ATCAY: variants seen among roughly 807,000 people sequenced by gnomAD.
ATCAY encodes the protein caytaxin.
ATCAY carries 22 observed loss-of-function variants against 47.7 expected under a neutral mutation model. The ratio of observed to expected loss-of-function variants is 0.46; its 90% CI spans 0.33 to 0.66. The LOEUF is 0.66. ATCAY is among the 30% of genes least tolerant of loss of function. ATCAY has a pLI of 0.02. For missense variants in ATCAY, 452 were observed against 515.0 expected (o/e 0.88, Z 1.18); for synonymous variants, 216 against 207.6 (o/e 1.04, Z -0.35).
At chr19:3,903,376 T>C (rs1444641901) in intron 3 of ATCAY, among the ~76,000 whole-genome samples, 3 of 152,080 alleles carry the variant, frequency 2.0e-5, no homozygotes, top group Non-Finnish European at 4.4e-5. Context: ...GTTTTAGCCG[T>C]AACCTGGCGA....
In ATCAY at chr19:3,910,842, C is replaced by A. The variant is rs1014676893; in HGVS notation, c.819C>A (p.Pro273=). The A allele has an allele frequency of 6.2e-7, 1 of 1,613,922 alleles. No homozygotes were observed. The highest frequency in any genetic ancestry group is 8.5e-7 in the Non-Finnish European group (1 of 1,179,904). The part of the protein sequence containing the change: ...KNLKSLIIVH[P]SWFIRTVLAI... ...TGAAGTCCTTGATCATCGTCCACCC[C>A]TCGTGGTTCATTCGGACTGTGCTGG... Residue 273 remains proline, a synonymous_variant, in exon 8 of 13, where the codon CCC becomes CCA. Coordinates refer to ENST00000450849, the MANE Select transcript of ATCAY (RefSeq NM_033064.5).
chr19:3,891,304 G>T (rs150577928), intron 2 of ATCAY, among the ~76,000 whole-genome samples: 1 of 151,804 alleles, frequency 6.6e-6, no homozygotes, highest in Non-Finnish European at 1.5e-5. Flanking sequence ...CGCCTGCCTC[G>T]GCCTCCCAAA....
intron 12 of ATCAY, among the ~76,000 whole-genome samples, chr19:3,923,884 A>G (rs973661002): frequency 1.4e-5 from 2 of 145,272 alleles, no homozygotes; most frequent in Non-Finnish European, 1.5e-5. Context: ...GGATGGGTGC[A>G]TGGATGGGTG....
chr19:3,916,832 G>A (rs2038970527), intron 9 of ATCAY, among the ~76,000 whole-genome samples: 1 of 150,814 alleles, frequency 6.6e-6, no homozygotes, highest in African/African-American at 2.4e-5. Context: ...TTTTTAGACA[G>A]AGTCTCACTC....
intron 2 of ATCAY, among the ~76,000 whole-genome samples, chr19:3,892,808 T>G (rs1306720358): frequency 1.3e-5 from 2 of 151,882 alleles, no homozygotes; most frequent in Non-Finnish European, 2.9e-5. Context: ...CTGGGGAGGC[T>G]GAAGCAGGAG....
chr19:3,918,802 A>G lies in ATCAY; in HGVS notation c.1002-4A>G, dbSNP rs1215050664. 5 of 1,613,912 alleles carry G rather than the reference A, an allele frequency of 3.1e-6. No homozygotes were observed. Among genetic ancestry groups the G allele is most frequent in the Non-Finnish European group, 4.2e-6 (5 of 1,179,836 alleles). Reference sequence around the variant, plus strand: ...CCTTGTCACCTCGTTCTCTCTGTCCACAGCGCGAGGCCCCAGCCGGAGTTT... The same window carrying G: ...CCTTGTCACCTCGTTCTCTCTGTCCGCAGCGCGAGGCCCCAGCCGGAGTTT... On this transcript the variant is annotated splice_region_variant and splice_polypyrimidine_tract_variant and intron_variant, in intron 10 of 12. Coordinates refer to ENST00000450849, the MANE Select transcript of ATCAY (RefSeq NM_033064.5).
chr19:3,909,430 G>A (rs2038903326), intron 6 of ATCAY, 56 bp from the exon 7 acceptor site: 2 of 1,580,810 alleles, frequency 1.3e-6, no homozygotes, highest in Non-Finnish European at 1.7e-6. Context: ...CACCGCAGGT[G>A]TCCTGACCCT....
In ATCAY at chr19:3,908,722, C is replaced by CCCCTCT. The variant is rs750077910; in HGVS notation, c.647+352_647+353insCCCTCT. ...CCTCCTCCTCCCTTTTCTCCTCCTCCTCCCCTTCCCTCTCCTCCTCCCCCT... is the reference window on the plus strand; with the variant it reads ...CCTCCTCCTCCCTTTTCTCCTCCTCCCCCTCTTCCCCTTCCCTCTCCTCCTCCCCCT... On this transcript the variant is annotated intron_variant, in intron 6 of 12. Transcript: ENST00000450849. 3.6e-4 allele frequency among the ~76,000 whole-genome samples: 19 copies of CCCCTCT among 53,452 alleles called. 1 individual carries two copies. The East Asian group carries it at 0.013, about 38-fold the overall frequency. 35.1% of individuals were successfully genotyped at this position (53,452 alleles called of 152,430 possible).
At position 3,898,014 on chromosome 19, in the gene ATCAY, A is replaced by G. The variant is rs147199505; in HGVS notation, c.78-4473A>G. Among the ~76,000 whole-genome samples the G allele has an allele frequency of 6.0e-4, 92 of 152,304 alleles. No individual in the cohort carries two copies. In the East Asian group the frequency reaches 7.1e-3, roughly 12 times the overall value. On this transcript the variant is annotated intron_variant, in intron 2 of 12. Coordinates refer to ENST00000450849, the MANE Select transcript of ATCAY (RefSeq NM_033064.5). ...AGTTCATGATTCAGTGGCAGAGTCC[A>G]TTCATAATGTTCTGCAACCCCACAT... is the stretch of plus-strand genomic sequence containing the variant.
chr19:3,918,941 G>T (rs2038992159), intron 11 of ATCAY, 64 bp downstream of exon 11: 2 of 1,576,214 alleles, frequency 1.3e-6, no homozygotes, highest in African/African-American at 2.7e-5. Context: ...ACTCCCTTGG[G>T]GGAGGCTAGA....
At chr19:3,909,756 C>A in intron 7 of ATCAY, 139 bp downstream of exon 7, 4 of 1,238,944 alleles carry the variant, frequency 3.2e-6, no homozygotes, top group Non-Finnish European at 3.3e-6. Flanking sequence ...AGTTTGAGAC[C>A]AGCCTGGGCA....
At position 3,913,864 on chromosome 19, in the gene ATCAY, G is replaced by A. The variant is rs765792226; in HGVS notation, c.965+8G>A. The A allele has an allele frequency of 6.3e-7, 1 of 1,599,934 alleles. No homozygotes were observed. The highest frequency in any genetic ancestry group is 2.3e-5 in the East Asian group (1 of 44,322). ...CCCAGACTGCGTCCTGCAGTGAGTG[G>A]CCCCACAGTCCACCCCGCCGTATTA... On this transcript the variant is annotated splice_region_variant and intron_variant, in intron 9 of 12. Transcript: ENST00000450849.
rs769697842 is a variant in ATCAY at position 3,907,742 on chromosome 19, C to T, written c.367C>T (p.Pro123Ser). Residue 123 changes from proline (P) to serine (S), a missense_variant, in exon 5 of 13, where the codon CCC becomes TCC. Physicochemically the swap from Pro to Ser is moderately conservative, Grantham distance 74. Coordinates refer to ENST00000450849, the MANE Select transcript of ATCAY (RefSeq NM_033064.5). The surrounding 1 kb of genome is among the most constrained non-coding windows in gnomAD (Gnocchi z 5.1). Reference protein sequence around the residue: ...GNELEWEDDTPVATAKNMPGD... With the variant: ...GNELEWEDDTSVATAKNMPGD... The stretch of plus-strand genomic sequence containing the variant: ...CCGCCACCTGCTTCTAGACGACACC[C>T]CCGTGGCCACCGCCAAGAACATGCC... 9 of 1,613,892 alleles carry T rather than the reference C, an allele frequency of 5.6e-6. No homozygotes were observed. The highest frequency in any genetic ancestry group is 2.2e-5 in the East Asian group (1 of 44,904).
intron 1 of ATCAY, among the ~76,000 whole-genome samples, chr19:3,884,961 C>T (rs2038635018): frequency 6.6e-6 from 1 of 151,576 alleles, no homozygotes; most frequent in Non-Finnish European, 1.5e-5. Flanking sequence ...ATTACCCAGG[C>T]ATGATGGTAC....
chr19:3,926,933 A>C lies in ATCAY; in HGVS notation c.*2341A>C, dbSNP rs1264243086. The C allele has an allele frequency of 1.3e-5, 2 of 152,210 alleles. No individual in the cohort carries two copies. The highest frequency in any genetic ancestry group is 2.4e-5 in the African/African-American group (1 of 41,452). 9.4% of individuals were successfully genotyped at this position (152,210 alleles called of 1,614,324 possible). ...GCTGCCAAAGCCAACACAAGATGAC[A>C]AAAGTGGCTGGGTACGGTGGCTCAC... On this transcript the variant is annotated 3_prime_UTR_variant, in exon 13 of 13. Coordinates refer to ENST00000450849, the MANE Select transcript of ATCAY (RefSeq NM_033064.5).
At position 3,924,618 on chromosome 19, in the gene ATCAY, T is replaced by G; in HGVS notation, c.*26T>G. On this transcript the variant is annotated 3_prime_UTR_variant, in exon 13 of 13. Coordinates refer to ENST00000450849, the MANE Select transcript of ATCAY (RefSeq NM_033064.5). ...GGCGACGTGAGCATAACAAAGGACA[T>G]GGAAGAAGATTCCAGATGCCAGAAA... The G allele has an allele frequency of 6.2e-7, 1 of 1,613,330 alleles. No individual in the cohort carries two copies. The highest frequency in any genetic ancestry group is 1.1e-5 in the South Asian group (1 of 91,020).
Position 3,924,781 on chromosome 19 carries a change from T to C in ATCAY, c.*189T>C. 1.6e-6 allele frequency: 1 copy of C among 620,576 alleles called. No homozygotes were observed. The highest frequency in any genetic ancestry group is 2.1e-5 in the South Asian group (1 of 48,464). 38.4% of individuals were successfully genotyped at this position (620,576 alleles called of 1,614,324 possible). A position where few individuals can be genotyped will look rare whatever the true frequency, so the allele number is the denominator to read the frequency against. On this transcript the variant is annotated 3_prime_UTR_variant, in exon 13 of 13. Transcript: ENST00000450849. ...CTGCTTGAAAACATTGTATTTTTTT[T>C]TTTTAACGATGCAGTATTTGTGCGT...
At chr19:3,914,108 C>T (rs943502605) in intron 9 of ATCAY, among the ~76,000 whole-genome samples, 4 of 151,406 alleles carry the variant, frequency 2.6e-5, no homozygotes, top group Admixed American at 6.6e-5. Flanking sequence ...TGGTGGCGGG[C>T]GCCTGTAGTC....
chr19:3,914,299 C>T (rs2145257439), intron 9 of ATCAY, among the ~76,000 whole-genome samples: 1 of 150,528 alleles, frequency 6.6e-6, no homozygotes, highest in Middle Eastern at 3.4e-3. Context: ...CTCCCAATCA[C>T]GGTGGAAGGC....
Sources: gnomAD v4.1 joint callset for allele counts (sites outside exome capture counted in the v4.1 genomes callset) on GRCh38, gnomAD v4.1.1 for gene constraint, Gnocchi (gnomAD v3.1) non-coding constraint, MANE v1.5 for transcripts, NCBI Gene and HGNC (gene_info 2026-07-23, HGNC 2026-07-21) for gene names.